Variants in DOCK4 observed in about 807,000 individuals in gnomAD.
DOCK4 encodes dedicator of cytokinesis 4.
DOCK4 carries 97 observed loss-of-function variants against 268.1 expected under a neutral mutation model. The ratio of observed to expected loss-of-function variants is 0.36; its 90% CI spans 0.31 to 0.43. The LOEUF is 0.43. Ranked by LOEUF, DOCK4 falls within the 20% of genes least tolerant of loss-of-function variation. DOCK4 has a pLI of 1.00. For synonymous variants in DOCK4, 954 were observed against 887.2 expected (o/e 1.08, Z -1.34); for missense variants, 2,145 against 2,455.7 (o/e 0.87, Z 2.67).
intron 27 of DOCK4, among the ~76,000 whole-genome samples, chr7:111,815,470 T>C (rs1272582349): frequency 6.6e-6 from 1 of 152,246 alleles, no homozygotes; most frequent in Non-Finnish European, 1.5e-5. Flanking sequence ...GTGGATTCTC[T>C]GGTTTCATTC....
In DOCK4 at chr7:111,728,133, G is replaced by T; in HGVS notation, c.*141C>A. The T allele has an allele frequency of 3.4e-6, 2 of 589,970 alleles. No homozygotes were observed. Among genetic ancestry groups the T allele is most frequent in the African/African-American group, 1.9e-5 (1 of 51,676 alleles). 36.5% of individuals were successfully genotyped at this position (589,970 alleles called of 1,614,324 possible). A position where few individuals can be genotyped will look rare whatever the true frequency, so the allele number is the denominator to read the frequency against. ...AGCAACTTTTAATATTGTGCAACATGATATTTAATAAGCAAGTTTTAATTC... is the reference window on the plus strand; with the variant it reads ...AGCAACTTTTAATATTGTGCAACATTATATTTAATAAGCAAGTTTTAATTC... On this transcript the variant is annotated 3_prime_UTR_variant, in exon 53 of 53. Transcript: ENST00000428084.
In DOCK4 at chr7:112,177,771, TAA is replaced by T. The variant is rs560638958; in HGVS notation, c.37+28329_37+28330del. 5.0e-3 allele frequency among the ~76,000 whole-genome samples: 754 copies of T among 150,894 alleles called. 7 individuals are homozygous for T. Among genetic ancestry groups the T allele is most frequent in the African/African-American group, 0.017 (710 of 41,176 alleles). On this transcript the variant is annotated intron_variant, in intron 1 of 52. Transcript: ENST00000428084. ...ATTTGAAATAAGCCCTTTTATAAGG[TAA>T]AAAAAAAGAGTCACCTTTTACAGGA...
chr7:111,799,923 T>C (rs1800150665), intron 30 of DOCK4, among the ~76,000 whole-genome samples: 1 of 152,188 alleles, frequency 6.6e-6, no homozygotes, highest in African/African-American at 2.4e-5. Flanking sequence ...GCAATAAAAC[T>C]ATACACTGTG....
intron 5 of DOCK4, among the ~76,000 whole-genome samples, chr7:111,991,182 A>T (rs1261320255): frequency 1.3e-5 from 2 of 151,538 alleles, no homozygotes; most frequent in African/African-American, 4.8e-5. Flanking sequence ...TTAAGAGAAC[A>T]CTAATAAGAA....
chr7:112,077,933 A>G (rs1808230993), intron 1 of DOCK4, among the ~76,000 whole-genome samples: 4 of 152,154 alleles, frequency 2.6e-5, no homozygotes, highest in South Asian at 2.1e-4. Flanking sequence ...AAAGAGAATA[A>G]TAAGTGTTGA....
chr7:111,847,119 T>C lies in DOCK4; in HGVS notation c.2481A>G (p.Arg827=). 6.2e-7 allele frequency: 1 copy of C among 1,613,748 alleles called. No individual in the cohort carries two copies. Among genetic ancestry groups the C allele is most frequent in the African/African-American group, 1.3e-5 (1 of 75,038 alleles). Residue 827 remains arginine (R), a synonymous_variant, in exon 24 of 53, where the codon CGA becomes CGG. Coordinates refer to ENST00000428084, the MANE Select transcript of DOCK4 (RefSeq NM_001363540.2). The stretch of plus-strand genomic sequence containing the variant: ...GTAACACGACAGGCAGAAGAATGTA[T>C]CGGGAATCTGAAGAGAGAAGAGTCA... ...ESQLYTNPDS[R]YILLPVVLHH... is the part of the protein sequence containing the mutation.
At chr7:112,067,265 T>C (rs1266390524) in intron 1 of DOCK4, among the ~76,000 whole-genome samples, 2 of 148,532 alleles carry the variant, frequency 1.3e-5, no homozygotes, top group Non-Finnish European at 3.0e-5. Flanking sequence ...AAAAGATGGT[T>C]CCTACTCCTA....
intron 1 of DOCK4, among the ~76,000 whole-genome samples, chr7:112,156,236 C>A (rs1816601663): frequency 6.6e-6 from 1 of 152,200 alleles, no homozygotes; most frequent in South Asian, 2.1e-4. Flanking sequence ...CACACAGACA[C>A]TGTAAAAATT....
chr7:111,746,332 A>C lies in DOCK4; in HGVS notation c.4677+2T>G. The C allele has an allele frequency of 6.2e-7, 1 of 1,611,630 alleles. No homozygotes were observed. The highest frequency in any genetic ancestry group is 8.5e-7 in the Non-Finnish European group (1 of 1,178,848). ...AAGGGGGTTGGCTTCTGCTTCCCTT[A>C]CCTGCTCAAGCATCAGCTCTCTTAA... On this transcript the variant is annotated splice_donor_variant, in intron 44 of 52. Coordinates refer to ENST00000428084, the MANE Select transcript of DOCK4 (RefSeq NM_001363540.2). LOFTEE classifies it high-confidence loss of function.
chr7:111,791,333 C>G (rs1391387480), intron 30 of DOCK4, among the ~76,000 whole-genome samples: 5 of 145,390 alleles, frequency 3.4e-5, no homozygotes, highest in African/African-American at 1.4e-4. Flanking sequence ...TATTATATCC[C>G]TAATGTTAAC....
intron 1 of DOCK4, among the ~76,000 whole-genome samples, chr7:112,104,654 T>A (rs866012158): frequency 6.6e-6 from 1 of 152,192 alleles, no homozygotes; most frequent in Non-Finnish European, 1.5e-5. Context: ...TACCATTTTT[T>A]AGGAGAAAAA....
intron 23 of DOCK4, among the ~76,000 whole-genome samples, chr7:111,859,644 T>C (rs1034925288): frequency 4.1e-5 from 6 of 145,958 alleles, no homozygotes; most frequent in South Asian, 2.2e-4. Flanking sequence ...CTCGGCTCAC[T>C]GCAAGCTCCG....
At chr7:111,813,370 A>G (rs1801286108) in intron 27 of DOCK4, among the ~76,000 whole-genome samples, 1 of 132,648 alleles carries the variant, frequency 7.5e-6, no homozygotes, top group Admixed American at 6.9e-5. Flanking sequence ...TTTGAAAGAC[A>G]TAAATATTCA....
chr7:111,737,427 C>A (rs1301304007), intron 49 of DOCK4, among the ~76,000 whole-genome samples: 2 of 151,958 alleles, frequency 1.3e-5, no homozygotes, highest in Admixed American at 6.6e-5. Flanking sequence ...CCACACCTGG[C>A]CTGTGTGGAG....
At chr7:111,900,641 T>C (rs1791062831) in intron 14 of DOCK4, 105 bp from the exon 15 acceptor site, 2 of 1,202,038 alleles carry the variant, frequency 1.7e-6, no homozygotes, top group African/African-American at 1.5e-5. Flanking sequence ...CAAATAGCAC[T>C]ATGAAATTAC....
At chr7:112,093,698 A>C (rs1312872025) in intron 1 of DOCK4, among the ~76,000 whole-genome samples, 1 of 152,208 alleles carries the variant, frequency 6.6e-6, no homozygotes, top group Non-Finnish European at 1.5e-5. Context: ...AAACTACTGC[A>C]AAAAAATCCA....
rs1803619551 is a variant in DOCK4 at position 111,840,765 on chromosome 7, T to C, written c.2736+3998A>G. On this transcript the variant is annotated intron_variant, in intron 25 of 52. Coordinates refer to ENST00000428084, the MANE Select transcript of DOCK4 (RefSeq NM_001363540.2). ...TTGTGGGATCTGCGTTTACTCACAG[T>C]GTGTCTACTTGTCATGGGCACTTTT... 3.1e-6 allele frequency: 4 copies of C among 1,290,962 alleles called. No individual in the cohort carries two copies. In the South Asian group the frequency reaches 3.8e-5, roughly 12 times the overall value. 80.0% of individuals were successfully genotyped at this position (1,290,962 alleles called of 1,614,324 possible).
intron 24 of DOCK4, among the ~76,000 whole-genome samples, chr7:111,846,440 T>A (rs892494348): frequency 1.3e-5 from 2 of 151,902 alleles, no homozygotes; most frequent in African/African-American, 4.9e-5. Flanking sequence ...CATTCTCTAA[T>A]GCAATTGCAT....
intron 1 of DOCK4, among the ~76,000 whole-genome samples, chr7:112,190,827 A>G (rs1469869109): frequency 6.6e-6 from 1 of 152,202 alleles, no homozygotes; most frequent in Non-Finnish European, 1.5e-5. Flanking sequence ...TACAGCAGTA[A>G]TTCAGACCAA....
Sources: gnomAD v4.1 joint callset for allele counts (sites outside exome capture counted in the v4.1 genomes callset) on GRCh38, gnomAD v4.1.1 for gene constraint, MANE v1.5 for transcripts, NCBI Gene and HGNC (gene_info 2026-07-23, HGNC 2026-07-21) for gene names.